Variants in FGGY observed in about 807,000 individuals in gnomAD.
FGGY encodes FGGY carbohydrate kinase domain containing, also known as FGGY carbohydrate kinase domain-containing protein.
Under a neutral mutation model 71.3 loss-of-function variants are expected in FGGY, and 72 were observed. The ratio of observed to expected loss-of-function variants is 1.01; its 90% CI spans 0.84 to 1.23. The LOEUF is 1.23. FGGY is among the 50% of genes most tolerant of loss of function. The pLI, the probability that FGGY is intolerant of heterozygous loss-of-function variation, is 0.00. For synonymous variants in FGGY, 251 were observed against 250.3 expected, an observed-to-expected ratio of 1.00 and a Z score of -0.02; for missense variants, 668 against 682.3, an observed-to-expected ratio of 0.98 and a Z score of 0.23.
At chr1:59,384,065 G>A (rs1301412030) in intron 5 of FGGY, among the ~76,000 whole-genome samples, 1 of 152,124 alleles carries the variant, frequency 6.6e-6, no homozygotes, top group African/African-American at 2.4e-5. Context: ...CATGCTTGGG[G>A]GCTTCTAGCC....
chr1:59,609,365 C>T (rs2096653271), intron 9 of FGGY, among the ~76,000 whole-genome samples: 1 of 152,162 alleles, frequency 6.6e-6, no homozygotes, highest in Admixed American at 6.5e-5. Context: ...GTTCATAACT[C>T]AGTTGTAAAA....
intron 2 of FGGY, among the ~76,000 whole-genome samples, chr1:59,337,618 A>G (rs930214764): frequency 2.0e-5 from 3 of 152,106 alleles, no homozygotes; most frequent in African/African-American, 4.8e-5. Flanking sequence ...TTTTGATGCT[A>G]TTGTGAATGG....
intron 14 of FGGY, among the ~76,000 whole-genome samples, chr1:59,711,365 A>G (rs1458141550): frequency 6.6e-6 from 1 of 152,166 alleles, no homozygotes; most frequent in African/African-American, 2.4e-5. Context: ...GGTACAGCAA[A>G]CCACCATGAC....
At chr1:59,691,494 A>C (rs1247584740) in intron 14 of FGGY, among the ~76,000 whole-genome samples, 1 of 152,116 alleles carries the variant, frequency 6.6e-6, no homozygotes, top group Non-Finnish European at 1.5e-5. Flanking sequence ...TAGAAATTCT[A>C]TCCAGCCACT....
chr1:59,601,908 GTT>G, intron 8 of FGGY, among the ~76,000 whole-genome samples: 1 of 152,154 alleles, frequency 6.6e-6, no homozygotes, highest in Non-Finnish European at 1.5e-5. Context: ...TTGGCCACAG[GTT>G]ATGGAGCAAA....
chr1:59,703,817 G>A (rs1444363455), intron 14 of FGGY, among the ~76,000 whole-genome samples: 1 of 152,192 alleles, frequency 6.6e-6, no homozygotes, highest in Non-Finnish European at 1.5e-5. Context: ...TATGTCTTGG[G>A]TGAGCTAAGG....
At chr1:59,376,701 A>G (rs1228944206) in intron 4 of FGGY, among the ~76,000 whole-genome samples, 1 of 152,190 alleles carries the variant, frequency 6.6e-6, no homozygotes, top group Admixed American at 6.5e-5. Flanking sequence ...TGCGGCAGGT[A>G]CTGAAATATG....
chr1:59,375,400 G>C (rs1159162394), intron 4 of FGGY, among the ~76,000 whole-genome samples: 1 of 152,006 alleles, frequency 6.6e-6, no homozygotes, highest in Non-Finnish European at 1.5e-5. Flanking sequence ...CTCTTTGCTG[G>C]CCTATCTCCA....
chr1:59,339,916 CCCTGG>C, intron 2 of FGGY, 37 bp from the exon 3 acceptor site: 3 of 1,207,520 alleles, frequency 2.5e-6, no homozygotes, highest in Non-Finnish European at 3.6e-6. Flanking sequence ...TCTTTAAAGA[CCCTGG>C]TGTTGTAATT....
At chr1:59,590,402 A>C (rs1187274161) in intron 8 of FGGY, among the ~76,000 whole-genome samples, 3 of 152,356 alleles carry the variant, frequency 2.0e-5, no homozygotes, top group African/African-American at 7.2e-5. Flanking sequence ...TATTCCAATC[A>C]ATAGAAAAAG....
At chr1:59,594,258 C>T (rs937881141) in intron 8 of FGGY, among the ~76,000 whole-genome samples, 6 of 152,142 alleles carry the variant, frequency 3.9e-5, no homozygotes, top group African/African-American at 4.8e-5. Context: ...GGACTCTGAA[C>T]TCAGAAACAT....
At chr1:59,312,614 A>G (rs1391694115) in intron 1 of FGGY, among the ~76,000 whole-genome samples, 2 of 152,134 alleles carry the variant, frequency 1.3e-5, no homozygotes, top group Non-Finnish European at 2.9e-5. Flanking sequence ...AATTTCTTTA[A>G]GGGGATGTTT....
intron 4 of FGGY, among the ~76,000 whole-genome samples, chr1:59,372,812 A>AT (rs1205001336): frequency 6.6e-6 from 1 of 152,148 alleles, no homozygotes; most frequent in Non-Finnish European, 1.5e-5. Flanking sequence ...CAAAAACCAC[A>AT]TGATTATCTC....
chr1:59,611,833 C>T (rs557793935), intron 9 of FGGY, among the ~76,000 whole-genome samples: 18 of 152,200 alleles, frequency 1.2e-4, no homozygotes, highest in African/African-American at 3.1e-4. Flanking sequence ...AACCATGGCA[C>T]GAGAACTATG....
chr1:59,326,192 A>G (rs969918395), intron 2 of FGGY, among the ~76,000 whole-genome samples: 1 of 152,246 alleles, frequency 6.6e-6, no homozygotes, highest in African/African-American at 2.4e-5. Context: ...ACTATGTGCT[A>G]TGCTCTTTGC....
intron 12 of FGGY, among the ~76,000 whole-genome samples, chr1:59,660,896 G>A (rs1429395156): frequency 6.6e-6 from 1 of 152,138 alleles, no homozygotes; most frequent in Non-Finnish European, 1.5e-5. Flanking sequence ...GGCTATGGAT[G>A]GGCTACAAGA....
intron 1 of FGGY, among the ~76,000 whole-genome samples, chr1:59,312,612 T>C: frequency 6.6e-6 from 1 of 152,210 alleles, no homozygotes; most frequent in Admixed American, 6.5e-5. Context: ...TTAATTTCTT[T>C]AAGGGGATGT....
intron 8 of FGGY, among the ~76,000 whole-genome samples, chr1:59,561,753 A>G (rs1382502466): frequency 2.6e-5 from 4 of 152,208 alleles, no homozygotes; most frequent in African/African-American, 4.8e-5. Flanking sequence ...GGGTCACACA[A>G]TGTGTAGGAA....
intron 8 of FGGY, among the ~76,000 whole-genome samples, chr1:59,606,178 C>T (rs765610368): frequency 7.2e-5 from 11 of 152,152 alleles, no homozygotes; most frequent in Non-Finnish European, 1.3e-4. Flanking sequence ...AAAAAAATGG[C>T]ACTATCTTGA....
Sources: gnomAD v4.1 joint callset for allele counts (sites outside exome capture counted in the v4.1 genomes callset) on GRCh38, gnomAD v4.1.1 for gene constraint, MANE v1.5 for transcripts, NCBI Gene and HGNC (gene_info 2026-07-23, HGNC 2026-07-21) for gene names.